Variants in CYP2D6 observed in about 807,000 individuals in gnomAD.
The protein encoded by CYP2D6 is cytochrome P450 family 2 subfamily D member 6 (gene/pseudogene).
CYP2D6 carries 51 observed loss-of-function variants against 43.5 expected under a neutral mutation model. That is an observed-to-expected ratio of 1.17 (90% CI 0.94 to 1.48). CYP2D6 has a LOEUF of 1.48. Among genes scored for constraint, CYP2D6 ranks in the 40% most tolerant of loss-of-function variants. CYP2D6 has a pLI of 0.00. For missense variants in CYP2D6, 698 were observed against 688.0 expected (o/e 1.01, Z -0.16); for synonymous variants, 346 against 297.1 (o/e 1.16, Z -1.69).
intron 3 of CYP2D6, 41 bp downstream of exon 3, chr22:42,128,992 C>T (rs772203935): frequency 3.1e-6 from 5 of 1,591,978 alleles, no homozygotes; most frequent in African/African-American, 1.4e-5. Context: ...CGTCCCCCGC[C>T]TTCCCAGTTC....
Position 42,127,980 on chromosome 22 carries a change from TG to T in CYP2D6, c.846del (p.Lys283ArgfsTer15). ...TTGAAGCTGCTCTCAGGGTTCCCCT[TG>T]GCCTGAGCAGGGCCGAGAGCATACT... ...TEAFLAEMEK[A>X]KGNPESSFND... On this transcript the variant is annotated frameshift_variant and splice_region_variant, in exon 6 of 9. Coordinates refer to ENST00000645361, the MANE Select transcript of CYP2D6 (RefSeq NM_000106.6). LOFTEE classifies it high-confidence loss of function. 4 of 1,611,422 alleles carry T rather than the reference TG, an allele frequency of 2.5e-6. 1 individual carries two copies. The South Asian group carries it at 4.4e-5, about 18-fold the overall frequency.
chr22:42,128,749 G>A (rs756302938), intron 4 of CYP2D6, 35 bp downstream of exon 4: 4 of 1,590,222 alleles, frequency 2.5e-6, no homozygotes, highest in African/African-American at 1.4e-5. Flanking sequence ...TCGGGAGCTC[G>A]CCCTGCAGAG....
Position 42,129,616 on chromosome 22 carries a change from C to A in CYP2D6, c.352+122G>T. 3 of 1,357,320 alleles carry A rather than the reference C, an allele frequency of 2.2e-6. 1 individual carries two copies. Among genetic ancestry groups the A allele is most frequent in the East Asian group, 4.7e-5 (2 of 42,534 alleles). 84.1% of individuals were successfully genotyped at this position (1,357,320 alleles called of 1,614,324 possible). On this transcript the variant is annotated intron_variant, in intron 2 of 8. Coordinates refer to ENST00000645361, the MANE Select transcript of CYP2D6 (RefSeq NM_000106.6). ...CTAGTGCAGGTGGTTTCTTGGCCCG[C>A]TGTCCCCACTCGCTGGCCTGTTTCA... is the stretch of plus-strand genomic sequence containing the variant.
Position 42,128,157 on chromosome 22 carries a change from G to T in CYP2D6, c.843+17C>A, listed in dbSNP as rs375372852. ...CAACCCACCACCCTTGCCCCCCACCGTGGCAGCCACTCTCACCTTCTCCAT... is the reference window on the plus strand; with the variant it reads ...CAACCCACCACCCTTGCCCCCCACCTTGGCAGCCACTCTCACCTTCTCCAT... On this transcript the variant is annotated intron_variant, in intron 5 of 8. Coordinates refer to ENST00000645361, the MANE Select transcript of CYP2D6 (RefSeq NM_000106.6). The T allele has an allele frequency of 6.3e-7, 1 of 1,597,348 alleles. No homozygotes were observed. The highest frequency in any genetic ancestry group is 8.5e-7 in the Non-Finnish European group (1 of 1,171,266).
Position 42,128,913 on chromosome 22 carries a change from G to A in CYP2D6, c.537C>T (p.Asp179=), listed in dbSNP as rs373190244. ...GRPFRPNGLL[D]KAVSNVIASL... ...AGGCGATCACGTTGCTCACGGCTTT[G>A]TCCAAGAGACCGTTGGGGCGAAAGG... The change falls in exon 4 of 9, where the codon GAC becomes GAT. Residue 179 remains aspartate (D), a synonymous_variant. Transcript: ENST00000645361. The A allele has an allele frequency of 7.2e-5, 115 of 1,594,550 alleles. 4 individuals are homozygous for A. The highest frequency in any genetic ancestry group is 9.4e-5 in the Non-Finnish European group (110 of 1,170,592).
At chr22:42,128,511 G>C (rs574027689) in intron 4 of CYP2D6, among the ~76,000 whole-genome samples, 161 bp from the exon 5 acceptor site, 2 of 150,584 alleles carry the variant, frequency 1.3e-5, no homozygotes, top group East Asian at 3.9e-4. Context: ...CTCTCTCCTT[G>C]CCCAGAGGAG....
rs1373054980 is a variant in CYP2D6 at position 42,128,964 on chromosome 22, G to A, written c.506-20C>T. On this transcript the variant is annotated intron_variant, in intron 3 of 8. Coordinates refer to ENST00000645361, the MANE Select transcript of CYP2D6 (RefSeq NM_000106.6). ...GGCGTCCTGGGGGTGGGAGATGCGG[G>A]TAAGGGGTCGCCTTCCCCGTCCCCC... The A allele has an allele frequency of 3.8e-6, 6 of 1,582,402 alleles. No homozygotes were observed. In the Admixed American group the frequency reaches 1.1e-4, roughly 29 times the overall value.
At chr22:42,127,776 A>C in intron 6 of CYP2D6, 66 bp downstream of exon 6, 1 of 1,594,408 alleles carries the variant, frequency 6.3e-7, no homozygotes. Flanking sequence ...GTCCCAGCAA[A>C]GTTCATGGGC....
rs1569021100 is a variant in CYP2D6, at chr22:42,127,960, G to C, written c.867C>G (p.Ser289Arg). ...MEKAKGNPES[S>R]FNDENLRIVV... Reference sequence around the variant, plus strand: ...CTATGCGCAGGTTCTCATCATTGAAGCTGCTCTCAGGGTTCCCCTTGGCCT... The same window carrying C: ...CTATGCGCAGGTTCTCATCATTGAACCTGCTCTCAGGGTTCCCCTTGGCCT... The change falls in exon 6 of 9, where the codon AGC becomes AGG. Residue 289 changes from serine (S) to arginine (R), a missense_variant. By Grantham distance (110) the Ser-to-Arg change is moderately radical (BLOSUM62 -1). Coordinates refer to ENST00000645361, the MANE Select transcript of CYP2D6 (RefSeq NM_000106.6). The C allele has an allele frequency of 1.2e-6, 2 of 1,611,406 alleles. No homozygotes were observed. The highest frequency in any genetic ancestry group is 2.2e-5 in the East Asian group (1 of 44,746).
intron 4 of CYP2D6, 98 bp downstream of exon 4, chr22:42,128,686 C>G: frequency 7.1e-7 from 1 of 1,412,614 alleles, no homozygotes. Flanking sequence ...CTTTCCCAAA[C>G]CCATCTATGC....
At chr22:42,130,419 A>G (rs926658668) in intron 1 of CYP2D6, 193 bp downstream of exon 1, 18 of 697,438 alleles carry the variant, frequency 2.6e-5, no homozygotes, top group Admixed American at 1.5e-4. Flanking sequence ...CCCTTGCCCT[A>G]CTCTTCCTTG....
In CYP2D6 at chr22:42,128,214, G is replaced by T. The variant is rs749182114; in HGVS notation, c.803C>A (p.Pro268His). Reference protein sequence around the residue: ...HRMTWDPAQPPRDLTEAFLAE... With the variant: ...HRMTWDPAQPHRDLTEAFLAE... ...CAGGAAGGCCTCAGTCAGGTCTCGG[G>T]GGGGCTGGGCTGGGTCCCAGGTCAT... Residue 268 changes from proline to histidine, a missense_variant, in exon 5 of 9, where the codon CCC becomes CAC. Coordinates refer to ENST00000645361, the MANE Select transcript of CYP2D6 (RefSeq NM_000106.6). 21 of 1,609,690 alleles carry T rather than the reference G, an allele frequency of 1.3e-5. 1 individual carries two copies. The highest frequency in any genetic ancestry group is 1.1e-4 in the East Asian group (5 of 44,728).
In CYP2D6 at chr22:42,130,645, C is replaced by T. The variant is rs2146943929; in HGVS notation, c.147G>A (p.Val49=). Residue 49 remains valine (V), a synonymous_variant, in exon 1 of 9, where the codon GTG becomes GTA. Transcript: ENST00000645361. Reference sequence around the variant, plus strand: ...AGCAGTATGGTGTGTTCTGGAAGTCCACATGCAGCAGGTTGCCCAGCCCGG... The same window carrying T: ...AGCAGTATGGTGTGTTCTGGAAGTCTACATGCAGCAGGTTGCCCAGCCCGG... ...PLPGLGNLLH[V]DFQNTPYCFD... is the part of the protein sequence containing the mutation. 2 of 1,608,270 alleles carry T rather than the reference C, an allele frequency of 1.2e-6. No homozygotes were observed. The highest frequency in any genetic ancestry group is 1.1e-5 in the South Asian group (1 of 90,494).
chr22:42,128,077 G>A, intron 5 of CYP2D6, 94 bp from the exon 6 acceptor site: 2 of 1,590,240 alleles, frequency 1.3e-6, no homozygotes, highest in Middle Eastern at 1.7e-4. Context: ...GGCTCGCCGG[G>A]TGATGCACTG....
At chr22:42,129,414 G>A (rs143170489) in intron 2 of CYP2D6, 11 of 782,066 alleles carry the variant, frequency 1.4e-5, no homozygotes, top group Non-Finnish European at 2.2e-5. Flanking sequence ...AAGACCCCGC[G>A]GGCCCCGCGC....
chr22:42,130,059 T>TG lies in CYP2D6; in HGVS notation c.181-151dup, dbSNP rs914156890. Reference sequence around the variant, plus strand: ...CAGCCTCCTGATCGTGGGGCGGGGGTGGGGGTCACACCTTCTGTGATGGAG... The same window carrying TG: ...CAGCCTCCTGATCGTGGGGCGGGGGTGGGGGGTCACACCTTCTGTGATGGAG... On this transcript the variant is annotated intron_variant, in intron 1 of 8. Transcript: ENST00000645361. 26 of 682,664 alleles carry TG rather than the reference T, an allele frequency of 3.8e-5. 1 individual carries two copies. The highest frequency in any genetic ancestry group is 1.4e-4 in the South Asian group (8 of 56,548). 42.3% of individuals were successfully genotyped at this position (682,664 alleles called of 1,614,324 possible).
At position 42,128,115 on chromosome 22, in the gene CYP2D6, A is replaced by G. The variant is rs1931247290; in HGVS notation, c.843+59T>C. 8.9e-6 allele frequency: 14 copies of G among 1,578,966 alleles called. 2 individuals carry two copies. Among genetic ancestry groups the G allele is most frequent in the African/African-American group, 4.1e-5 (3 of 72,784 alleles). ...CCAACCTTTTGCCCAGCCTCCCCTC[A>G]TTCCTCCTGGGACGCTCAACCCACC... On this transcript the variant is annotated intron_variant, in intron 5 of 8. Transcript: ENST00000645361.
At chr22:42,128,633 T>C (rs1396848033) in intron 4 of CYP2D6, 151 bp downstream of exon 4, 2 of 957,318 alleles carry the variant, frequency 2.1e-6, no homozygotes, top group African/African-American at 3.3e-5. Flanking sequence ...AGATGTCCCC[T>C]CCTCCTCCAG....
At chr22:42,127,821 C>T (rs1014423327) in intron 6 of CYP2D6, 21 bp downstream of exon 6, 1 of 1,610,138 alleles carries the variant, frequency 6.2e-7, no homozygotes, top group Non-Finnish European at 8.5e-7. Context: ...GGCCCCTGCA[C>T]TGTTTCCCAG....
Sources: gnomAD v4.1 joint callset for allele counts (sites outside exome capture counted in the v4.1 genomes callset) on GRCh38, gnomAD v4.1.1 for gene constraint, MANE v1.5 for transcripts, NCBI Gene and HGNC (gene_info 2026-07-23, HGNC 2026-07-21) for gene names.